The following TRIO variants were observed in gnomAD, a reference collection of about 807,000 sequenced individuals.
The protein encoded by TRIO is trio Rho guanine nucleotide exchange factor.
Under a neutral mutation model 351.9 loss-of-function variants are expected in TRIO, and 58 were observed. The ratio of observed to expected loss-of-function variants is 0.16; its 90% CI spans 0.13 to 0.21. The LOEUF (loss-of-function observed/expected upper bound fraction) is 0.21, where lower values mean the gene tolerates loss of function less well. Among genes scored for constraint, TRIO ranks in the 10% least tolerant of loss-of-function variants. The pLI is 1.00. For missense variants in TRIO, 3,201 were observed against 4,027.8 expected (o/e 0.79, Z 5.56); for synonymous variants, 1,758 against 1,595.7 (o/e 1.10, Z -2.42).
At chr5:14,383,121 A>G (rs1010770842) in intron 21 of TRIO, among the ~76,000 whole-genome samples, 5 of 152,204 alleles carry the variant, frequency 3.3e-5, no homozygotes, top group Non-Finnish European at 7.3e-5. Context: ...CAGGAGTTTG[A>G]GACCAGCTTG....
In TRIO at chr5:14,496,907, C is replaced by G. The variant is rs759506714; in HGVS notation, c.7909C>G (p.Arg2637Gly). 6.2e-7 allele frequency: 1 copy of G among 1,613,938 alleles called. No individual in the cohort carries two copies. The highest frequency in any genetic ancestry group is 8.5e-7 in the Non-Finnish European group (1 of 1,180,020). The change falls in exon 50 of 57, where the codon CGT becomes GGT. Residue 2637 changes from arginine to glycine, a missense_variant. Coordinates refer to ENST00000344204, the MANE Select transcript of TRIO (RefSeq NM_007118.4). ...KKSTSWHTAL[R>G]LRKKSEKKDK... Reference sequence around the variant, plus strand: ...GTCAACATCTTGGCACACAGCACTCCGTTTAAGGAAAAAATCTGAGAAAAA... The same window carrying G: ...GTCAACATCTTGGCACACAGCACTCGGTTTAAGGAAAAAATCTGAGAAAAA...
At chr5:14,308,637 A>G (rs539230203) in intron 8 of TRIO, among the ~76,000 whole-genome samples, 4 of 126,524 alleles carry the variant, frequency 3.2e-5, no homozygotes, top group Non-Finnish European at 5.1e-5. Flanking sequence ...CAGTCACCCA[A>G]CCACCCATTC....
chr5:14,436,510 C>A lies in TRIO; in HGVS notation c.5203+16489C>A, dbSNP rs778671559. On this transcript the variant is annotated intron_variant, in intron 34 of 56. Coordinates refer to ENST00000344204, the MANE Select transcript of TRIO (RefSeq NM_007118.4). Reference sequence around the variant, plus strand: ...AAGCAATCATACTTTCCAAACAGTCCCCCAAAGTCTTATTTCAGCAATAAC... The same window carrying A: ...AAGCAATCATACTTTCCAAACAGTCACCCAAAGTCTTATTTCAGCAATAAC... 9.3e-4 allele frequency among the ~76,000 whole-genome samples: 141 copies of A among 152,088 alleles called. 3 individuals carry two copies. The highest frequency in any genetic ancestry group is 3.3e-4 in the Admixed American group (5 of 15,274).
intron 34 of TRIO, among the ~76,000 whole-genome samples, chr5:14,460,682 T>G (rs1419234751): frequency 6.6e-6 from 1 of 152,226 alleles, no homozygotes; most frequent in Non-Finnish European, 1.5e-5. Context: ...TCCTCCAATG[T>G]CCGCAGTACC....
chr5:14,476,796 AAAAAAAAG>A lies in TRIO; in HGVS notation c.6084-84_6084-77del, dbSNP rs1479154804. ...GTGATAGAGTGACACTCTCTCAAAAAAAAAAAAGAAAAAAAGAAAAAGAAAAAATGTAA... is the reference window on the plus strand; with the variant it reads ...GTGATAGAGTGACACTCTCTCAAAAAAAAAAAAGAAAAAGAAAAAATGTAA... On this transcript the variant is annotated intron_variant, in intron 40 of 56. Transcript: ENST00000344204. 75 of 1,128,622 alleles carry A rather than the reference AAAAAAAAG, an allele frequency of 6.6e-5. 1 individual carries two copies. Among genetic ancestry groups the A allele is most frequent in the African/African-American group, 3.2e-4 (20 of 62,254 alleles). 69.9% of individuals were successfully genotyped at this position (1,128,622 alleles called of 1,614,324 possible).
intron 1 of TRIO, among the ~76,000 whole-genome samples, chr5:14,234,888 T>A (rs1306172244): frequency 6.6e-6 from 1 of 152,230 alleles, no homozygotes; most frequent in Non-Finnish European, 1.5e-5. Context: ...TCAAGGAATG[T>A]CTTTAGTCCG....
At chr5:14,394,875 A>G (rs1747428435) in intron 28 of TRIO, among the ~76,000 whole-genome samples, 1 of 152,356 alleles carries the variant, frequency 6.6e-6, no homozygotes, top group Middle Eastern at 3.4e-3. Context: ...TCATCAATAC[A>G]CATTTTCTTG....
chr5:14,355,524 C>A (rs949916193), intron 11 of TRIO, among the ~76,000 whole-genome samples: 2 of 152,204 alleles, frequency 1.3e-5, no homozygotes, highest in African/African-American at 4.8e-5. Context: ...TTAGGTCACA[C>A]AGCTAATGCT....
intron 7 of TRIO, among the ~76,000 whole-genome samples, chr5:14,301,693 C>T (rs1466183102): frequency 1.3e-5 from 2 of 152,156 alleles, no homozygotes; most frequent in African/African-American, 4.8e-5. Flanking sequence ...TGTTGAATTT[C>T]AACACCAAAC....
chr5:14,289,180 G>A (rs1463520604), intron 4 of TRIO, among the ~76,000 whole-genome samples: 1 of 152,164 alleles, frequency 6.6e-6, no homozygotes, highest in Non-Finnish European at 1.5e-5. Context: ...AAGGTCAGGA[G>A]TTCGAGACAA....
intron 13 of TRIO, among the ~76,000 whole-genome samples, chr5:14,360,192 T>C (rs551883647): frequency 1.3e-5 from 2 of 152,356 alleles, no homozygotes; most frequent in African/African-American, 4.8e-5. Context: ...CCATGATTCT[T>C]ACCTAAACGT....
At chr5:14,147,157 GAAA>G (rs763339821) in intron 1 of TRIO, among the ~76,000 whole-genome samples, 3 of 150,258 alleles carry the variant, frequency 2.0e-5, no homozygotes, top group African/African-American at 7.3e-5. Context: ...AGAGCAAAAA[GAAA>G]AAAAAAGACA....
intron 8 of TRIO, among the ~76,000 whole-genome samples, chr5:14,309,997 G>A (rs1738772891): frequency 6.6e-6 from 1 of 152,138 alleles, no homozygotes; most frequent in African/African-American, 2.4e-5. Flanking sequence ...CTGCTCTGCT[G>A]TGCTTTAATT....
At chr5:14,409,521 A>G (rs1416621419) in intron 33 of TRIO, among the ~76,000 whole-genome samples, 1 of 151,784 alleles carries the variant, frequency 6.6e-6, no homozygotes, top group Non-Finnish European at 1.5e-5. Flanking sequence ...CCTAAACTTC[A>G]CTCCTGAGCT....
At chr5:14,472,510 G>A (rs1382858604) in intron 38 of TRIO, 82 bp from the exon 39 acceptor site, 1 of 1,418,322 alleles carries the variant, frequency 7.1e-7, no homozygotes, top group East Asian at 2.3e-5. Context: ...CCTGGAAGGA[G>A]TCCATCTTGA....
intron 2 of TRIO, among the ~76,000 whole-genome samples, chr5:14,272,052 AAAAC>A (rs1796008033): frequency 6.6e-6 from 1 of 152,232 alleles, no homozygotes; most frequent in African/African-American, 2.4e-5. Flanking sequence ...TACATGGTGA[AAAAC>A]AAATACTGGC....
intron 33 of TRIO, 111 bp from the exon 34 acceptor site, chr5:14,419,667 C>T: frequency 6.8e-7 from 1 of 1,462,284 alleles, no homozygotes; most frequent in Non-Finnish European, 9.3e-7. Flanking sequence ...GAGCACTCAG[C>T]TCACTCCGGG....
At chr5:14,180,508 G>T (rs145808614) in intron 1 of TRIO, among the ~76,000 whole-genome samples, 66 of 152,292 alleles carry the variant, frequency 4.3e-4, no homozygotes, top group African/African-American at 1.5e-3. Context: ...AAAAAAGGCA[G>T]ACCATGTTGT....
intron 1 of TRIO, among the ~76,000 whole-genome samples, chr5:14,226,823 G>A (rs1329898837): frequency 7.3e-6 from 1 of 137,736 alleles, no homozygotes; most frequent in African/African-American, 2.7e-5. Context: ...GAGACGTGGA[G>A]GGCACAAGTG....
Sources: allele counts gnomAD v4.1 joint callset (sites outside exome capture counted in the v4.1 genomes callset), GRCh38; gene constraint gnomAD v4.1.1; transcripts MANE v1.5; gene names NCBI Gene and HGNC (gene_info 2026-07-23, HGNC 2026-07-21).